The following PRRX1 variants were observed in gnomAD, a reference collection of about 807,000 sequenced individuals.
The protein encoded by PRRX1 is paired related homeobox 1, also known as paired mesoderm homeobox protein 1.
In PRRX1, 8 loss-of-function variants were observed where a neutral mutation model predicts 24.0. The observed-to-expected ratio is 0.33, with a 90% CI of 0.20 to 0.60. The LOEUF (loss-of-function observed/expected upper bound fraction) is 0.60. Ranked by LOEUF, PRRX1 falls within the 20% of genes least tolerant of loss-of-function variation. The pLI, the probability that PRRX1 is intolerant of heterozygous loss-of-function variation, is 0.82. For synonymous variants in PRRX1, 160 were observed against 131.7 expected (o/e 1.22, Z -1.47); for missense variants, 281 against 322.4 (o/e 0.87, Z 0.98).
At chr1:170,718,301 T>A (rs1654968832) in intron 1 of PRRX1, among the ~76,000 whole-genome samples, 1 of 152,210 alleles carries the variant, frequency 6.6e-6, no homozygotes, top group Non-Finnish European at 1.5e-5. Flanking sequence ...GAAGAAGGAT[T>A]CTCTTAGCAA....
intron 3 of PRRX1, among the ~76,000 whole-genome samples, chr1:170,733,527 A>C (rs980402053): frequency 6.6e-6 from 1 of 152,130 alleles, no homozygotes; most frequent in African/African-American, 2.4e-5. Flanking sequence ...CTCTCTCATA[A>C]GTTTTAGCTT....
At chr1:170,672,974 T>A (rs115676728) in intron 1 of PRRX1, among the ~76,000 whole-genome samples, 36 of 152,148 alleles carry the variant, frequency 2.4e-4, no homozygotes, top group African/African-American at 8.2e-4. Flanking sequence ...GCCACAGAGG[T>A]CTCCTAAATG....
At chr1:170,706,675 C>T (rs1220192847) in intron 1 of PRRX1, among the ~76,000 whole-genome samples, 2 of 152,094 alleles carry the variant, frequency 1.3e-5, no homozygotes, top group African/African-American at 4.8e-5. Context: ...TAAATTTGGT[C>T]TGGGGCTATG....
chr1:170,734,258 C>T (rs1195450278), intron 3 of PRRX1, among the ~76,000 whole-genome samples: 1 of 147,076 alleles, frequency 6.8e-6, no homozygotes, highest in East Asian at 2.0e-4. Context: ...TCATTGCTCA[C>T]AGCAGAATGA....
Position 170,706,810 on chromosome 1 carries a change from G to A in PRRX1, c.242-12916G>A, listed in dbSNP as rs577890987. ...GAAAAGCTTAGTGCCATTTGGTCTT[G>A]GGAAGACCTGAGACTGGTGCTCAAA... On this transcript the variant is annotated intron_variant, in intron 1 of 3. Transcript: ENST00000239461. Among the ~76,000 whole-genome samples, 92 of 152,232 alleles carry A rather than the reference G, an allele frequency of 6.0e-4. No individual in the cohort carries two copies. In the South Asian group the frequency reaches 0.011, roughly 18 times the overall value.
chr1:170,735,905 G>A lies in PRRX1; in HGVS notation c.600-143G>A, dbSNP rs1655584980. ...CTTAGACGAATGGAAAGCTGGGGCT[G>A]TAAGGGACCCTAGAGGTCATCTAGT... On this transcript the variant is annotated intron_variant, in intron 3 of 3. Coordinates refer to ENST00000239461, the MANE Select transcript of PRRX1 (RefSeq NM_022716.4). The A allele has an allele frequency of 5.4e-6, 6 of 1,113,790 alleles. No homozygotes were observed. The Admixed American group carries it at 6.8e-5, about 13-fold the overall frequency. The allele number at this position is 1,113,790 out of a possible 1,614,324, so 69.0% of individuals were successfully genotyped here.
chr1:170,728,141 G>A (rs959141778), intron 3 of PRRX1: 3 of 152,138 alleles, frequency 2.0e-5, no homozygotes, highest in African/African-American at 7.2e-5. Flanking sequence ...AATCCAGATG[G>A]CTGCCACGTG....
intron 1 of PRRX1, among the ~76,000 whole-genome samples, chr1:170,691,135 A>C (rs1653932352): frequency 6.6e-6 from 1 of 152,124 alleles, no homozygotes; most frequent in Non-Finnish European, 1.5e-5. Flanking sequence ...TTTATTCACC[A>C]CTGTTTTTCC....
chr1:170,681,674 C>G (rs1653512832), intron 1 of PRRX1, among the ~76,000 whole-genome samples: 1 of 152,106 alleles, frequency 6.6e-6, no homozygotes, highest in African/African-American at 2.4e-5. Flanking sequence ...TGACCATGGT[C>G]CTTCCAAAAG....
upstream of PRRX1, chr1:170,664,092 T>C (rs1259497085): frequency 8.0e-6 from 7 of 871,126 alleles, no homozygotes; most frequent in East Asian, 3.0e-5. Flanking sequence ...TTCCTCCCTC[T>C]CTCTCTCTCT....
At chr1:170,714,619 C>T (rs913535323) in intron 1 of PRRX1, among the ~76,000 whole-genome samples, 1 of 152,170 alleles carries the variant, frequency 6.6e-6, no homozygotes, top group African/African-American at 2.4e-5. Flanking sequence ...CTCTAAGGTT[C>T]CTCCCACAGG....
intron 1 of PRRX1, among the ~76,000 whole-genome samples, chr1:170,669,606 T>C (rs1653075480): frequency 6.6e-6 from 1 of 151,864 alleles, no homozygotes; most frequent in Admixed American, 6.6e-5. Context: ...CATGTTTCTT[T>C]TACAATCCCT....
chr1:170,666,238 G>A (rs566574313), intron 1 of PRRX1, among the ~76,000 whole-genome samples: 4 of 151,920 alleles, frequency 2.6e-5, no homozygotes, highest in Non-Finnish European at 5.9e-5. Flanking sequence ...AACCAACGTG[G>A]TGAAACCCCT....
chr1:170,726,087 T>G (rs1252293569), intron 2 of PRRX1, 133 bp from the exon 3 acceptor site: 5 of 884,586 alleles, frequency 5.7e-6, no homozygotes, highest in Non-Finnish European at 7.2e-6. Flanking sequence ...TACGGAGAAT[T>G]CCATAGCCAT....
chr1:170,719,343 A>G (rs571336923), intron 1 of PRRX1, among the ~76,000 whole-genome samples: 1 of 152,252 alleles, frequency 6.6e-6, no homozygotes, highest in Non-Finnish European at 1.5e-5. Flanking sequence ...AGTGAGCATA[A>G]TATTGTCAAA....
chr1:170,694,049 C>T (rs1444288714), intron 1 of PRRX1, among the ~76,000 whole-genome samples: 1 of 151,846 alleles, frequency 6.6e-6, no homozygotes, highest in South Asian at 2.1e-4. Context: ...GGAAAGTTGT[C>T]GCCACGAAGG....
At chr1:170,688,334 G>A (rs1365216187) in intron 1 of PRRX1, among the ~76,000 whole-genome samples, 1 of 151,830 alleles carries the variant, frequency 6.6e-6, no homozygotes, top group East Asian at 1.9e-4. Flanking sequence ...AGAAAATTAA[G>A]GTATCTATTT....
At chr1:170,698,403 T>G (rs1349080892) in intron 1 of PRRX1, among the ~76,000 whole-genome samples, 1 of 152,204 alleles carries the variant, frequency 6.6e-6, no homozygotes, top group Non-Finnish European at 1.5e-5. Context: ...CGTCTCTTTA[T>G]TTTTCGGATC....
chr1:170,667,585 A>C (rs1275440935), intron 1 of PRRX1: 1 of 152,110 alleles, frequency 6.6e-6, no homozygotes, highest in Admixed American at 6.5e-5. Flanking sequence ...CTGCAGTGAC[A>C]ATGAGGCTCA....
Sources: gnomAD v4.1 joint callset for allele counts (sites outside exome capture counted in the v4.1 genomes callset) on GRCh38, gnomAD v4.1.1 for gene constraint, MANE v1.5 for transcripts, NCBI Gene and HGNC (gene_info 2026-07-23, HGNC 2026-07-21) for gene names.